Variants in PDE12 observed in about 807,000 individuals in gnomAD.
PDE12 encodes the protein 2',5'-phosphodiesterase 12.
Under a neutral mutation model 45.4 loss-of-function variants are expected in PDE12, and 26 were observed. The ratio of observed to expected loss-of-function variants is 0.57; its 90% CI spans 0.42 to 0.79. PDE12 has a LOEUF of 0.79. Ranked by LOEUF, PDE12 falls within the 30% of genes least tolerant of loss-of-function variation. PDE12 has a pLI of 0.00. For synonymous variants in PDE12, 283 were observed against 323.9 expected (o/e 0.87, Z 1.36); for missense variants, 668 against 790.0 (o/e 0.85, Z 1.85).
chr3:57,584,879 G>T, the PDE12 span, among the ~76,000 whole-genome samples: 1 of 151,862 alleles, frequency 6.6e-6, no homozygotes, highest in Admixed American at 6.6e-5. Flanking sequence ...GCAGGGGAGC[G>T]GGGGGACGTA....
the PDE12 span, among the ~76,000 whole-genome samples, chr3:57,632,254 G>C: frequency 6.6e-6 from 1 of 151,496 alleles, no homozygotes; most frequent in African/African-American, 2.4e-5. Flanking sequence ...TCGATCTCCT[G>C]ACCTCGTGAT....
chr3:57,612,462 A>C, the PDE12 span, among the ~76,000 whole-genome samples: 1 of 152,116 alleles, frequency 6.6e-6, no homozygotes, highest in African/African-American at 2.4e-5. Flanking sequence ...ATAATCACTC[A>C]AAAGAGATAA....
the PDE12 span, chr3:57,596,883 G>C: frequency 1.7e-6 from 1 of 598,770 alleles, no homozygotes. Flanking sequence ...CTCGTCTGGC[G>C]ACAGATCGGG....
the PDE12 span, among the ~76,000 whole-genome samples, chr3:57,614,701 C>G: frequency 6.6e-6 from 1 of 151,284 alleles, no homozygotes; most frequent in Admixed American, 6.6e-5. Flanking sequence ...CCTGCCAACA[C>G]GCCCGGCTAA....
At chr3:57,648,366 G>C in the PDE12 span, among the ~76,000 whole-genome samples, 2 of 152,030 alleles carry the variant, frequency 1.3e-5, no homozygotes, top group African/African-American at 4.8e-5. Context: ...CAAACAAATG[G>C]AAACACATCC....
the PDE12 span, among the ~76,000 whole-genome samples, chr3:57,613,951 A>G: frequency 6.6e-6 from 1 of 151,116 alleles, no homozygotes; most frequent in Admixed American, 6.6e-5. Context: ...ATAGGTTAAG[A>G]GTGTAAGTAT....
At chr3:57,598,798 A>G in the PDE12 span, among the ~76,000 whole-genome samples, 1 of 151,934 alleles carries the variant, frequency 6.6e-6, no homozygotes, top group Non-Finnish European at 1.5e-5. Flanking sequence ...AACAACAACA[A>G]CAAAAAAACC....
At chr3:57,646,199 A>G in the PDE12 span, 14 of 1,401,404 alleles carry the variant, frequency 1.0e-5, no homozygotes, top group African/African-American at 5.8e-5. Flanking sequence ...GCATGGATCA[A>G]TGCAATAATG....
At chr3:57,602,613 C>T in the PDE12 span, among the ~76,000 whole-genome samples, 13 of 152,122 alleles carry the variant, frequency 8.5e-5, no homozygotes, top group Admixed American at 8.5e-4. Context: ...CTCTGCTGCC[C>T]AGGCTGGAAT....
chr3:57,618,088 C>G, the PDE12 span, among the ~76,000 whole-genome samples: 11 of 152,190 alleles, frequency 7.2e-5, no homozygotes, highest in Non-Finnish European at 1.5e-4. Context: ...ACACTGGGTA[C>G]ACACAGACAC....
chr3:57,647,090 T>A, the PDE12 span, among the ~76,000 whole-genome samples: 1 of 152,176 alleles, frequency 6.6e-6, no homozygotes, highest in Admixed American at 6.5e-5. Flanking sequence ...GTAAAAAATT[T>A]TCCTAGTAGA....
Position 57,564,298 on chromosome 3 carries a change from T to C in PDE12, c.*4294T>C, listed in dbSNP as rs994357226. 1 of 152,210 alleles carries C rather than the reference T, an allele frequency of 6.6e-6. No homozygotes were observed. Among genetic ancestry groups the C allele is most frequent in the South Asian group, 2.1e-4 (1 of 4,832 alleles). 9.4% of individuals were successfully genotyped at this position (152,210 alleles called of 1,614,324 possible). On this transcript the variant is annotated 3_prime_UTR_variant, in exon 3 of 3. Coordinates refer to ENST00000311180, the MANE Select transcript of PDE12 (RefSeq NM_177966.7). ...AGTAAATCTGTTCACCTATCTGCTA[T>C]GCTAGCAAATTCTGGGTTGTCAAAA...
the PDE12 span, among the ~76,000 whole-genome samples, chr3:57,651,303 G>C: frequency 7.2e-5 from 11 of 152,202 alleles, no homozygotes; most frequent in African/African-American, 2.4e-4. Flanking sequence ...ACTTACAATG[G>C]GTTTAACAGG....
chr3:57,559,833 T>C lies in PDE12; in HGVS notation c.1659T>C (p.Val553=). 1.2e-6 allele frequency: 2 copies of C among 1,614,190 alleles called. No individual in the cohort carries two copies. Among genetic ancestry groups the C allele is most frequent in the Non-Finnish European group, 1.7e-6 (2 of 1,180,018 alleles). ...GTGAACCTGCTTACACAAATTATGT[T>C]GGTGGCTTTCATGGATGTCTAGATT... ...ACGEPAYTNY[V]GGFHGCLDYI... Residue 553 remains valine (V), a synonymous_variant, in exon 3 of 3, where the codon GTT becomes GTC. Coordinates refer to ENST00000311180, the MANE Select transcript of PDE12 (RefSeq NM_177966.7).
At chr3:57,590,271 G>C in the PDE12 span, among the ~76,000 whole-genome samples, 1 of 151,868 alleles carries the variant, frequency 6.6e-6, no homozygotes, top group Non-Finnish European at 1.5e-5. Flanking sequence ...TGGATCATGA[G>C]GTCAGGAGTT....
chr3:57,620,419 T>A, the PDE12 span, among the ~76,000 whole-genome samples: 9 of 152,046 alleles, frequency 5.9e-5, no homozygotes, highest in African/African-American at 1.2e-4. Flanking sequence ...GAAAATTTTT[T>A]AAAAAATGAG....
At chr3:57,638,395 C>T in the PDE12 span, among the ~76,000 whole-genome samples, 3 of 151,718 alleles carry the variant, frequency 2.0e-5, no homozygotes, top group African/African-American at 4.8e-5. Context: ...TGGTGGCTCA[C>T]GCCTACAATT....
At chr3:57,606,730 CAA>C in the PDE12 span, among the ~76,000 whole-genome samples, 1 of 152,060 alleles carries the variant, frequency 6.6e-6, no homozygotes, top group African/African-American at 2.4e-5. Flanking sequence ...ATTCTATACA[CAA>C]AGTGGTATAA....
the PDE12 span, among the ~76,000 whole-genome samples, chr3:57,653,554 G>A: frequency 9.9e-5 from 15 of 151,950 alleles, no homozygotes; most frequent in Admixed American, 3.9e-4. Flanking sequence ...GACCATCCTG[G>A]CTAACAACGG....
Sources: allele counts gnomAD v4.1 joint callset (sites outside exome capture counted in the v4.1 genomes callset), GRCh38; gene constraint gnomAD v4.1.1; transcripts MANE v1.5; gene names NCBI Gene and HGNC (gene_info 2026-07-23, HGNC 2026-07-21).